The following CCDC6 variants were observed in gnomAD, a reference collection of about 807,000 sequenced individuals.
CCDC6 encodes the protein coiled-coil domain-containing protein 6.
CCDC6 carries 20 observed loss-of-function variants against 56.6 expected under a neutral mutation model. The ratio of observed to expected loss-of-function variants is 0.35; its 90% CI spans 0.25 to 0.51. The LOEUF is 0.51. Among genes scored for constraint, CCDC6 ranks in the 20% least tolerant of loss-of-function variants. CCDC6 has a pLI of 0.95. For missense variants in CCDC6, 367 were observed against 601.1 expected (o/e 0.61, Z 4.07); for synonymous variants, 241 against 234.4 (o/e 1.03, Z -0.26).
intron 1 of CCDC6, among the ~76,000 whole-genome samples, chr10:59,878,662 A>T (rs1456453796): frequency 1.3e-5 from 2 of 152,170 alleles, no homozygotes; most frequent in African/African-American, 2.4e-5. Flanking sequence ...GTCTAAGGTG[A>T]CCCAGAATGT....
At chr10:59,814,605 C>T in intron 4 of CCDC6, 47 bp downstream of exon 4, 1 of 1,116,712 alleles carries the variant, frequency 9.0e-7, no homozygotes, top group Non-Finnish European at 1.4e-6. Context: ...CAGCAACACA[C>T]ACACACACAC....
In CCDC6 at chr10:59,792,333, A is replaced by G. The variant is rs2070475457; in HGVS notation, c.*584T>C. On this transcript the variant is annotated 3_prime_UTR_variant, in exon 9 of 9. Transcript: ENST00000263102. ...GAGAGACATGGATGTCAATAACACAATGAAAATAACCTGTAAAAAATGTAT... is the reference window on the plus strand; with the variant it reads ...GAGAGACATGGATGTCAATAACACAGTGAAAATAACCTGTAAAAAATGTAT... The G allele has an allele frequency of 2.6e-6, 1 of 382,902 alleles. No homozygotes were observed. Among genetic ancestry groups the G allele is most frequent in the Non-Finnish European group, 4.9e-6 (1 of 204,466 alleles). 23.7% of individuals were successfully genotyped at this position (382,902 alleles called of 1,614,324 possible).
intron 7 of CCDC6, among the ~76,000 whole-genome samples, chr10:59,800,781 C>T (rs980151039): frequency 1.3e-5 from 2 of 151,918 alleles, no homozygotes; most frequent in Non-Finnish European, 2.9e-5. Context: ...CCCACCAGAA[C>T]CTAAGTTGAA....
chr10:59,807,509 T>C (rs1332716058), intron 5 of CCDC6, among the ~76,000 whole-genome samples: 1 of 152,088 alleles, frequency 6.6e-6, no homozygotes, highest in Non-Finnish European at 1.5e-5. Flanking sequence ...AAAAAAGATA[T>C]CTGGTCTTTC....
chr10:59,797,321 G>A (rs1249015684), intron 7 of CCDC6, among the ~76,000 whole-genome samples: 1 of 151,896 alleles, frequency 6.6e-6, no homozygotes, highest in Non-Finnish European at 1.5e-5. Context: ...ACAGTTAACA[G>A]TACTGTATTG....
At chr10:59,901,663 T>C (rs1394798175) in intron 1 of CCDC6, among the ~76,000 whole-genome samples, 2 of 152,198 alleles carry the variant, frequency 1.3e-5, no homozygotes, top group African/African-American at 2.4e-5. Flanking sequence ...ACCAAAGGTC[T>C]GAAACTGCCT....
At chr10:59,845,346 GTTTTTTT>G (rs151236986) in intron 2 of CCDC6, among the ~76,000 whole-genome samples, 2 of 96,958 alleles carry the variant, frequency 2.1e-5, no homozygotes, top group Non-Finnish European at 3.8e-5. Flanking sequence ...GCCCCTATGG[GTTTTTTT>G]TTTTTTTTTT....
chr10:59,840,814 T>C (rs2070931356), intron 2 of CCDC6, among the ~76,000 whole-genome samples: 1 of 152,206 alleles, frequency 6.6e-6, no homozygotes, highest in Non-Finnish European at 1.5e-5. Flanking sequence ...TATGAGGTTA[T>C]TTCTTCAAAA....
intron 1 of CCDC6, among the ~76,000 whole-genome samples, chr10:59,888,282 C>T (rs532010283): frequency 1.3e-5 from 2 of 152,368 alleles, no homozygotes; most frequent in East Asian, 3.9e-4. Flanking sequence ...CATTTCTCAG[C>T]TAGAAGCTTC....
chr10:59,853,247 T>TA (rs1471633118), intron 1 of CCDC6, among the ~76,000 whole-genome samples: 1 of 152,140 alleles, frequency 6.6e-6, no homozygotes, highest in African/African-American at 2.4e-5. Flanking sequence ...AAAAAGGCAT[T>TA]ATGGGCCAGG....
At chr10:59,816,632 T>G (rs940003741) in intron 3 of CCDC6, among the ~76,000 whole-genome samples, 1 of 152,218 alleles carries the variant, frequency 6.6e-6, no homozygotes, top group African/African-American at 2.4e-5. Flanking sequence ...AGCATTACAT[T>G]TGTAAATCTA....
intron 1 of CCDC6, among the ~76,000 whole-genome samples, chr10:59,872,783 G>C (rs933054279): frequency 2.6e-4 from 29 of 113,186 alleles, no homozygotes; most frequent in Admixed American, 3.9e-4. Flanking sequence ...TCCAGATGGG[G>C]GGGTGGGGGA....
intron 5 of CCDC6, among the ~76,000 whole-genome samples, chr10:59,811,026 C>T (rs779702446): frequency 2.0e-5 from 3 of 152,130 alleles, no homozygotes; most frequent in Non-Finnish European, 4.4e-5. Context: ...ATCCAGGCAG[C>T]CTCTAGAGCT....
rs555497398 is a variant in CCDC6, at chr10:59,860,420, T to C, written c.304-7718A>G. ...ACTGGATCAGAAGAACTGAGAACCATTCCCCTGACTCTACAATGAGCCCAG... is the reference window on the plus strand; with the variant it reads ...ACTGGATCAGAAGAACTGAGAACCACTCCCCTGACTCTACAATGAGCCCAG... On this transcript the variant is annotated intron_variant, in intron 1 of 8. Transcript: ENST00000263102. 2.6e-5 allele frequency among the ~76,000 whole-genome samples: 4 copies of C among 152,272 alleles called. No individual in the cohort carries two copies. The South Asian group carries it at 8.3e-4, about 32-fold the overall frequency.
chr10:59,902,751 C>G (rs2071513978), intron 1 of CCDC6, among the ~76,000 whole-genome samples: 1 of 152,314 alleles, frequency 6.6e-6, no homozygotes, highest in South Asian at 2.1e-4. Flanking sequence ...ACGATGCAGC[C>G]ACTTTGGAAG....
At chr10:59,898,064 A>G (rs1167040709) in intron 1 of CCDC6, among the ~76,000 whole-genome samples, 1 of 152,208 alleles carries the variant, frequency 6.6e-6, no homozygotes, top group Non-Finnish European at 1.5e-5. Context: ...CTAGAATTCA[A>G]AATTTCCTAT....
intron 1 of CCDC6, among the ~76,000 whole-genome samples, chr10:59,903,879 G>A (rs1171826): frequency 0.64 from 97,036 of 151,962 alleles, 31,405 homozygotes; most frequent in East Asian, 0.86. Flanking sequence ...TTCTCCTCCC[G>A]CATTACATAC....
At chr10:59,890,421 C>T (rs1415122094) in intron 1 of CCDC6, among the ~76,000 whole-genome samples, 3 of 152,142 alleles carry the variant, frequency 2.0e-5, no homozygotes, top group East Asian at 1.9e-4. Flanking sequence ...GATGCTGCGT[C>T]GGCTTCTTCT....
At chr10:59,878,328 C>G (rs2071301938) in intron 1 of CCDC6, among the ~76,000 whole-genome samples, 1 of 152,160 alleles carries the variant, frequency 6.6e-6, no homozygotes. Context: ...TCCAGCTCCC[C>G]CCTTGTTTAT....
Sources: allele counts gnomAD v4.1 joint callset (sites outside exome capture counted in the v4.1 genomes callset), GRCh38; gene constraint gnomAD v4.1.1; transcripts MANE v1.5; gene names NCBI Gene and HGNC (gene_info 2026-07-23, HGNC 2026-07-21).